ADCY8: variants seen among roughly 807,000 people sequenced by gnomAD.
ADCY8 encodes adenylate cyclase type 8.
Under a neutral mutation model 119.7 loss-of-function variants are expected in ADCY8, and 51 were observed. The observed-to-expected ratio is 0.43, with a 90% CI of 0.34 to 0.54. ADCY8 has a LOEUF of 0.54. ADCY8 is among the 20% of genes least tolerant of loss of function. The pLI, the probability that ADCY8 is intolerant of heterozygous loss-of-function variation, is 0.03. For synonymous variants in ADCY8, 665 were observed against 651.0 expected (o/e 1.02, Z -0.33); for missense variants, 1,383 against 1,598.8 (o/e 0.87, Z 2.30).
At chr8:130,966,840 A>G (rs1251220378) in intron 2 of ADCY8, among the ~76,000 whole-genome samples, 2 of 152,218 alleles carry the variant, frequency 1.3e-5, no homozygotes, top group Non-Finnish European at 2.9e-5. Context: ...TTTATAAAAG[A>G]ATTAGATAGC....
intron 7 of ADCY8, among the ~76,000 whole-genome samples, chr8:130,885,776 G>A (rs1465935674): frequency 2.6e-5 from 4 of 152,114 alleles, no homozygotes; most frequent in African/African-American, 7.2e-5. Context: ...CATCTGTAGA[G>A]TGAGTAAGGA....
chr8:130,785,978 T>G (rs1404710674), intron 15 of ADCY8, among the ~76,000 whole-genome samples: 2 of 152,232 alleles, frequency 1.3e-5, no homozygotes, highest in African/African-American at 2.4e-5. Flanking sequence ...TACTCTTCCC[T>G]GGGACAAGTG....
intron 7 of ADCY8, among the ~76,000 whole-genome samples, chr8:130,896,448 A>G (rs11779492): frequency 0.022 from 3,325 of 152,256 alleles, 76 homozygotes; most frequent in South Asian, 0.08. Flanking sequence ...TCATATTCAC[A>G]AAAAAGAGGC....
In ADCY8 at chr8:130,882,497, G is replaced by A. The variant is rs762828847; in HGVS notation, c.2109+2067C>T. Reference sequence around the variant, plus strand: ...AAGACAGCACGGGATTGTCTTCTTCGTACGAAACCCTGGGAAATCAAGTCC... The same window carrying A: ...AAGACAGCACGGGATTGTCTTCTTCATACGAAACCCTGGGAAATCAAGTCC... On this transcript the variant is annotated intron_variant, in intron 8 of 17. Transcript: ENST00000286355. 1.4e-4 allele frequency among the ~76,000 whole-genome samples: 21 copies of A among 152,130 alleles called. No homozygotes were observed. The South Asian group carries it at 2.5e-3, about 18-fold the overall frequency.
intron 11 of ADCY8, among the ~76,000 whole-genome samples, chr8:130,838,289 G>A (rs1817048290): frequency 6.6e-6 from 1 of 152,196 alleles, no homozygotes; most frequent in Non-Finnish European, 1.5e-5. Context: ...TAGGAGCCTA[G>A]TGTCTAGTGT....
At chr8:130,973,233 T>C (rs1278192653) in intron 2 of ADCY8, among the ~76,000 whole-genome samples, 1 of 152,240 alleles carries the variant, frequency 6.6e-6, no homozygotes, top group Non-Finnish European at 1.5e-5. Flanking sequence ...TGTGGTAGAT[T>C]GCTTGCACAT....
chr8:130,878,323 A>C (rs1276201245), intron 8 of ADCY8, among the ~76,000 whole-genome samples: 1 of 152,196 alleles, frequency 6.6e-6, no homozygotes, highest in Non-Finnish European at 1.5e-5. Context: ...TGATCAGTAA[A>C]CTAATCAACT....
chr8:130,880,201 GCATGA>G (rs1419143040), intron 8 of ADCY8, among the ~76,000 whole-genome samples: 1 of 152,096 alleles, frequency 6.6e-6, no homozygotes, highest in Non-Finnish European at 1.5e-5. Flanking sequence ...TTTTTCAGCA[GCATGA>G]AAATGGACTA....
intron 1 of ADCY8, among the ~76,000 whole-genome samples, chr8:131,006,975 C>G (rs926887526): frequency 2.0e-5 from 3 of 151,810 alleles, no homozygotes; most frequent in Non-Finnish European, 4.4e-5. Flanking sequence ...CTTATTATAC[C>G]AAAGAAGAGA....
chr8:130,906,570 A>G (rs1308419806), intron 6 of ADCY8, among the ~76,000 whole-genome samples: 3 of 152,040 alleles, frequency 2.0e-5, no homozygotes, highest in Admixed American at 1.3e-4. Flanking sequence ...TGGGTTTTAG[A>G]TGTTTCTTTT....
chr8:131,035,431 GTTAA>G (rs1824123368), intron 1 of ADCY8, among the ~76,000 whole-genome samples: 2 of 152,162 alleles, frequency 1.3e-5, no homozygotes, highest in South Asian at 2.1e-4. Flanking sequence ...TTTGTAGTGT[GTTAA>G]TTGAGTAGAG....
At chr8:130,952,052 G>T in intron 2 of ADCY8, 54 bp from the exon 3 acceptor site, 1 of 1,603,318 alleles carries the variant, frequency 6.2e-7, no homozygotes, top group Non-Finnish European at 8.5e-7. Flanking sequence ...AGTCTCAGAT[G>T]GGAGGGTGGA....
At chr8:130,791,777 G>A (rs2130075616) in intron 15 of ADCY8, among the ~76,000 whole-genome samples, 1 of 152,288 alleles carries the variant, frequency 6.6e-6, no homozygotes, top group East Asian at 1.9e-4. Flanking sequence ...TGAGGGCCGA[G>A]CCCCACAGGT....
intron 2 of ADCY8, among the ~76,000 whole-genome samples, chr8:130,957,050 G>A (rs1407891520): frequency 6.6e-6 from 1 of 152,200 alleles, no homozygotes; most frequent in African/African-American, 2.4e-5. Flanking sequence ...ACCCCAAAAT[G>A]TGGAAGCAAC....
intron 8 of ADCY8, among the ~76,000 whole-genome samples, chr8:130,882,829 C>T (rs548704826): frequency 4.6e-5 from 7 of 152,100 alleles, no homozygotes; most frequent in African/African-American, 1.7e-4. Context: ...GAGATGGTCT[C>T]AGAGCAAGAG....
chr8:130,931,500 G>A (rs977377388), intron 5 of ADCY8, among the ~76,000 whole-genome samples: 2 of 152,104 alleles, frequency 1.3e-5, no homozygotes, highest in African/African-American at 4.8e-5. Flanking sequence ...AGTTTGGAAT[G>A]TTTCCTGCTA....
chr8:131,010,524 G>A (rs1236313198), intron 1 of ADCY8, among the ~76,000 whole-genome samples: 1 of 151,740 alleles, frequency 6.6e-6, no homozygotes, highest in East Asian at 1.9e-4. Flanking sequence ...AAGAGAAAGA[G>A]AGAAAAAAGA....
Position 131,020,525 on chromosome 8 carries a change from C to A in ADCY8, c.960+18849G>T, listed in dbSNP as rs567054957. On this transcript the variant is annotated intron_variant, in intron 1 of 17. Transcript: ENST00000286355. ...TTGAGATCAAGAACCAGGAGGAGGACAAAGTTAGGGACATAGTTTGATGTA... is the reference window on the plus strand; with the variant it reads ...TTGAGATCAAGAACCAGGAGGAGGAAAAAGTTAGGGACATAGTTTGATGTA... 1.8e-4 allele frequency among the ~76,000 whole-genome samples: 28 copies of A among 152,272 alleles called. No homozygotes were observed. The South Asian group carries it at 5.4e-3, about 29-fold the overall frequency.
At position 130,903,915 on chromosome 8, in the gene ADCY8, G is replaced by C. The variant is rs777953798; in HGVS notation, c.1768C>G (p.Pro590Ala). 12 of 1,614,128 alleles carry C rather than the reference G, an allele frequency of 7.4e-6. No homozygotes were observed. The highest frequency in any genetic ancestry group is 2.2e-5 in the South Asian group (2 of 91,084). Residue 590 changes from proline to alanine, a missense_variant, in exon 7 of 18, where the codon CCT becomes GCT. By Grantham distance (27) the Pro-to-Ala change is conservative (BLOSUM62 -1). Coordinates refer to ENST00000286355, the MANE Select transcript of ADCY8 (RefSeq NM_001115.3). ...HNIETYLIKQ[P>A]EDSLLSLPED... Reference sequence around the variant, plus strand: ...GGCAAGGACAGCAGACTGTCCTCAGGCTGCTTAATTAAGTAAGTTTCGATA... The same window carrying C: ...GGCAAGGACAGCAGACTGTCCTCAGCCTGCTTAATTAAGTAAGTTTCGATA...
Sources: allele counts gnomAD v4.1 joint callset (sites outside exome capture counted in the v4.1 genomes callset), GRCh38; gene constraint gnomAD v4.1.1; transcripts MANE v1.5; gene names NCBI Gene and HGNC (gene_info 2026-07-23, HGNC 2026-07-21).